MYBL2: variants seen among roughly 807,000 people sequenced by gnomAD.
MYBL2 encodes the protein MYB proto-oncogene like 2, also known as myb-related protein B.
Under a neutral mutation model 79.9 loss-of-function variants are expected in MYBL2, and 28 were observed. That is an observed-to-expected ratio of 0.35 (90% CI 0.26 to 0.48). MYBL2 has a LOEUF of 0.48. Among genes scored for constraint, MYBL2 ranks in the 20% least tolerant of loss-of-function variants. The probability of loss-of-function intolerance (pLI) is 0.99; values close to 1 mark genes in which losing one functional copy is unlikely to be tolerated. For missense variants in MYBL2, 735 were observed against 893.9 expected (o/e 0.82, Z 2.27); for synonymous variants, 378 against 361.2 (o/e 1.05, Z -0.53).
intron 6 of MYBL2, 49 bp from the exon 7 acceptor site, chr20:43,699,708 T>C (rs764636181): frequency 6.3e-7 from 1 of 1,589,090 alleles, no homozygotes; most frequent in Non-Finnish European, 8.6e-7. Context: ...AACTACTATA[T>C]AGTCTATATC....
At position 43,709,502 on chromosome 20, in the gene MYBL2, CT is replaced by C. The variant is rs879707262; in HGVS notation, c.1506-460del. On this transcript the variant is annotated intron_variant, in intron 9 of 13. Transcript: ENST00000217026. ...AGGGTTCCCTCCACGTGTCCATCAC[CT>C]CGGTGAACTCTTGGGAGACCTGGGA... 5.6e-4 allele frequency among the ~76,000 whole-genome samples: 86 copies of C among 152,314 alleles called. 1 individual carries two copies. Among genetic ancestry groups the C allele is most frequent in the Admixed American group, 3.4e-3 (52 of 15,306 alleles).
chr20:43,680,277 C>G (rs959023222), intron 2 of MYBL2, among the ~76,000 whole-genome samples: 1 of 152,258 alleles, frequency 6.6e-6, no homozygotes, highest in Non-Finnish European at 1.5e-5. Flanking sequence ...ATCCACCTGC[C>G]TCGGCCTCCT....
intron 1 of MYBL2, among the ~76,000 whole-genome samples, chr20:43,672,460 A>G (rs1986890171): frequency 6.6e-6 from 1 of 151,860 alleles, no homozygotes; most frequent in Non-Finnish European, 1.5e-5. Flanking sequence ...CGAAAAAACA[A>G]CTTGGCCAGT....
At position 43,672,845 on chromosome 20, in the gene MYBL2, T is replaced by G. The variant is rs73116537; in HGVS notation, c.21-961T>G. Among the ~76,000 whole-genome samples, 1,171 of 152,316 alleles carry G rather than the reference T, an allele frequency of 7.7e-3. 2 individuals carry two copies. Among genetic ancestry groups the G allele is most frequent in the Non-Finnish European group, 0.012 (795 of 68,006 alleles). On this transcript the variant is annotated intron_variant, in intron 1 of 13. Transcript: ENST00000217026. ...AAAATCTTGATGCCTGTTAACTTCA[T>G]CAACTTTATTCCTTAAAATATCCAT...
intron 1 of MYBL2, among the ~76,000 whole-genome samples, chr20:43,670,921 TCAAGCAC>T (rs1222939508): frequency 1.3e-5 from 2 of 151,710 alleles, no homozygotes; most frequent in Non-Finnish European, 2.9e-5. Flanking sequence ...CTAACTTTCC[TCAAGCAC>T]CTGACATCTC....
In MYBL2 at chr20:43,699,747, T is replaced by G; in HGVS notation, c.664-10T>G. On this transcript the variant is annotated splice_polypyrimidine_tract_variant and intron_variant, in intron 6 of 13. Transcript: ENST00000217026. The stretch of plus-strand genomic sequence containing the variant: ...GCGAAATGCAAATGGTGTATTCTTG[T>G]GTCTTACAGGGAAGTCTTCTGACCA... 2.5e-6 allele frequency: 4 copies of G among 1,613,688 alleles called. No homozygotes were observed. The South Asian group carries it at 3.3e-5, about 13-fold the overall frequency.
rs551963195 is a variant in MYBL2, at chr20:43,667,188, G to C, written c.-96G>C. On this transcript the variant is annotated 5_prime_UTR_variant, in exon 1 of 14. Transcript: ENST00000217026. ...GCCTTCGAGCGCGGCCCGGGGCCCG[G>C]AGCGGCCGGAGCAGCCCGGGTCCTG... The C allele has an allele frequency of 1.2e-5, 11 of 884,904 alleles. No homozygotes were observed. In the African/African-American group the frequency reaches 1.8e-4, roughly 14 times the overall value. 54.8% of individuals were successfully genotyped at this position (884,904 alleles called of 1,614,324 possible).
intron 6 of MYBL2, among the ~76,000 whole-genome samples, chr20:43,697,798 C>T (rs562656467): frequency 4.3e-4 from 66 of 151,812 alleles, no homozygotes; most frequent in African/African-American, 1.5e-3. Flanking sequence ...ACCTGTAGTC[C>T]CAGCTACTAG....
At chr20:43,675,197 C>G (rs992250930) in intron 2 of MYBL2, among the ~76,000 whole-genome samples, 7 of 152,112 alleles carry the variant, frequency 4.6e-5, no homozygotes, top group African/African-American at 1.7e-4. Flanking sequence ...CCAGGCTGGT[C>G]TCAAACTTCT....
chr20:43,696,798 C>T (rs993251194), intron 6 of MYBL2, among the ~76,000 whole-genome samples: 2 of 152,304 alleles, frequency 1.3e-5, no homozygotes, highest in Non-Finnish European at 2.9e-5. Flanking sequence ...GTGACCTTGG[C>T]TCACTGCAAC....
Position 43,699,884 on chromosome 20 carries a change from T to C in MYBL2, c.791T>C (p.Val264Ala). The part of the protein sequence containing the change: ...QEPIGTDLDA[V>A]RTPEPLEEFP... ...CCCATCGGTACAGATCTGGACGCAG[T>C]GCGAACACCAGAGCCCTTGGAGGAA... Residue 264 changes from valine (V) to alanine (A), a missense_variant, in exon 7 of 14, where the codon GTG (valine) becomes GCG (alanine). By Grantham distance (64) the Val-to-Ala change is moderately conservative. Transcript: ENST00000217026. 2 of 1,614,052 alleles carry C rather than the reference T, an allele frequency of 1.2e-6. No individual in the cohort carries two copies. Among genetic ancestry groups the C allele is most frequent in the Non-Finnish European group, 1.7e-6 (2 of 1,179,972 alleles).
In MYBL2 at chr20:43,705,369, C is replaced by T; in HGVS notation, c.1505+11C>T. The T allele has an allele frequency of 1.3e-6, 2 of 1,597,316 alleles. No homozygotes were observed. Among genetic ancestry groups the T allele is most frequent in the Non-Finnish European group, 1.7e-6 (2 of 1,169,846 alleles). The stretch of plus-strand genomic sequence containing the variant: ...CCAGAAACATGCTGCGTGAGTGCTG[C>T]AGTGCCCCCAACCTTCGCCGTCCTC... On this transcript the variant is annotated intron_variant, in intron 9 of 13. Transcript: ENST00000217026.
At chr20:43,686,291 CCTG>C (rs1331831673) in intron 4 of MYBL2, among the ~76,000 whole-genome samples, 1 of 151,982 alleles carries the variant, frequency 6.6e-6, no homozygotes, top group East Asian at 1.9e-4. Context: ...TGGTTTGTGT[CCTG>C]AGCTAGGAAG....
At chr20:43,673,645 A>T in intron 1 of MYBL2, 161 bp from the exon 2 acceptor site, 1 of 738,602 alleles carries the variant, frequency 1.4e-6, no homozygotes, top group Non-Finnish European at 2.5e-6. Context: ...CTCAATAAAA[A>T]TAAGTGAAGC....
At chr20:43,674,195 C>G (rs1357493025) in intron 2 of MYBL2, among the ~76,000 whole-genome samples, 1 of 143,344 alleles carries the variant, frequency 7.0e-6, no homozygotes, top group Non-Finnish European at 1.5e-5. Context: ...TGCCTTTTGA[C>G]TGCTAGGAGG....
chr20:43,671,980 C>A (rs1232383763), intron 1 of MYBL2, among the ~76,000 whole-genome samples: 1 of 150,936 alleles, frequency 6.6e-6, no homozygotes, highest in Admixed American at 6.6e-5. Context: ...GAGGCCAAGG[C>A]GGGTGGATCA....
intron 7 of MYBL2, among the ~76,000 whole-genome samples, chr20:43,700,569 C>G (rs543802625): frequency 6.6e-6 from 1 of 151,976 alleles, no homozygotes; most frequent in Admixed American, 6.6e-5. Context: ...TGTGACACCC[C>G]GGCTCCTGGC....
In MYBL2 at chr20:43,702,787, C is replaced by T. The variant is rs199513514; in HGVS notation, c.1249C>T (p.Arg417Cys). The change falls in exon 8 of 14, where the codon CGT (arginine) becomes TGT (cysteine). Residue 417 changes from arginine to cysteine, a missense_variant. This residue lies in a region of MYBL2 where 243 missense variants were observed against 327.2 expected (regional missense o/e 0.74). Transcript: ENST00000217026. ...TGTGCTCAAGCGGCAGAGGAAGAGGCGTGTGGCTCTGTCCCCTGTCACTGA... is the reference window on the plus strand; with the variant it reads ...TGTGCTCAAGCGGCAGAGGAAGAGGTGTGTGGCTCTGTCCCCTGTCACTGA... ...PSVLKRQRKR[R>C]VALSPVTENS... 2.2e-5 allele frequency: 35 copies of T among 1,614,074 alleles called. No homozygotes were observed. Among genetic ancestry groups the T allele is most frequent in the Middle Eastern group, 1.6e-4 (1 of 6,084 alleles).
chr20:43,671,463 ATTTTTTTTTT>A (rs376522569), intron 1 of MYBL2, among the ~76,000 whole-genome samples: 2 of 70,882 alleles, frequency 2.8e-5, no homozygotes, highest in African/African-American at 1.2e-4. Flanking sequence ...GCTGATTTCC[ATTTTTTTTTT>A]TTTTTTTTTT....
Sources: allele counts gnomAD v4.1 joint callset (sites outside exome capture counted in the v4.1 genomes callset), GRCh38; gene constraint gnomAD v4.1.1; regional missense constraint gnomAD v4.1.1; transcripts MANE v1.5; gene names NCBI Gene and HGNC (gene_info 2026-07-23, HGNC 2026-07-21).